The following DNAH11 variants were observed in gnomAD, a reference collection of about 807,000 sequenced individuals.
DNAH11 encodes the protein axonemal beta dynein heavy chain 11.
Under a neutral mutation model 526.0 loss-of-function variants are expected in DNAH11, and 442 were observed. That is an observed-to-expected ratio of 0.84 (90% CI 0.78 to 0.91). The LOEUF (loss-of-function observed/expected upper bound fraction) is 0.91. Ranked by LOEUF, DNAH11 falls within the 40% of genes least tolerant of loss-of-function variation. The pLI, the probability that DNAH11 is intolerant of heterozygous loss-of-function variation, is 0.00. For missense variants in DNAH11, 6,989 were observed against 5,448.7 expected (o/e 1.28, Z -8.90); for synonymous variants, 2,461 against 1,935.9 (o/e 1.27, Z -7.12).
chr7:21,848,334 ATCTCTC>A (rs145963018), intron 66 of DNAH11, among the ~76,000 whole-genome samples: 3 of 148,762 alleles, frequency 2.0e-5, no homozygotes, highest in Non-Finnish European at 4.5e-5. Flanking sequence ...ATCTTTCTCC[ATCTCTC>A]TCTCTCTCTC....
At chr7:21,543,703 T>C (rs1011498722) in intron 1 of DNAH11, 107 bp downstream of exon 1, 32 of 1,294,770 alleles carry the variant, frequency 2.5e-5, no homozygotes, top group Non-Finnish European at 3.1e-5. Context: ...TCGGGCACTT[T>C]AACAAACTTG....
chr7:21,720,771 C>T lies in DNAH11; in HGVS notation c.7181C>T (p.Pro2394Leu). 5.6e-6 allele frequency: 9 copies of T among 1,599,968 alleles called. No homozygotes were observed. The highest frequency in any genetic ancestry group is 6.8e-6 in the Non-Finnish European group (8 of 1,172,550). The change falls in exon 44 of 82, where the codon CCT becomes CTT. Residue 2394 changes from proline (P) to leucine (L), a missense_variant. By Grantham distance (98) the Pro-to-Leu change is moderately conservative. Coordinates refer to ENST00000409508, the MANE Select transcript of DNAH11 (RefSeq NM_001277115.2). ...LECLLTPENV[P>L]SDSPKEVYEV... ...TGCTTGCTGACTCCTGAAAATGTAC[C>T]TTCTGACAGCCCAAAAGAAGTTTAT...
chr7:21,893,355 A>T (rs12533111), intron 77 of DNAH11, among the ~76,000 whole-genome samples: 67,443 of 152,080 alleles, frequency 0.44, 15,498 homozygotes, highest in South Asian at 0.5. Context: ...AAGGGTAATG[A>T]TATCTCACAG....
At chr7:21,543,687 G>C in intron 1 of DNAH11, 91 bp downstream of exon 1, 1 of 1,386,404 alleles carries the variant, frequency 7.2e-7, no homozygotes, top group South Asian at 1.3e-5. Context: ...CCCGCGGGGC[G>C]CTCACTCGGG....
chr7:21,876,452 C>T (rs921474873), intron 74 of DNAH11, among the ~76,000 whole-genome samples: 4 of 152,210 alleles, frequency 2.6e-5, no homozygotes, highest in African/African-American at 9.7e-5. Context: ...TTAGCCTGTG[C>T]TCCCTGGCTC....
intron 70 of DNAH11, 23 bp downstream of exon 70, chr7:21,864,680 C>G (rs369003714): frequency 4.5e-6 from 7 of 1,551,948 alleles, no homozygotes; most frequent in Non-Finnish European, 6.1e-6. Context: ...TACAGTTTCT[C>G]AAATTCTGGA....
At chr7:21,788,746 C>G (rs1300791584) in intron 60 of DNAH11, among the ~76,000 whole-genome samples, 1 of 152,162 alleles carries the variant, frequency 6.6e-6, no homozygotes. Context: ...TTATTTTCTG[C>G]CTTAAAGGCC....
chr7:21,892,951 A>G (rs1784379382), intron 77 of DNAH11, among the ~76,000 whole-genome samples: 1 of 152,178 alleles, frequency 6.6e-6, no homozygotes, highest in Non-Finnish European at 1.5e-5. Flanking sequence ...GTGCGCATTC[A>G]TCCATGTCTA....
chr7:21,682,546 AAAAAT>A (rs1213206822), intron 31 of DNAH11, among the ~76,000 whole-genome samples: 1 of 137,756 alleles, frequency 7.3e-6, no homozygotes, highest in Middle Eastern at 3.5e-3. Context: ...AAAAAAAAAA[AAAAAT>A]TTCTGTGTGT....
rs367833062 is a variant in DNAH11 at position 21,655,961 on chromosome 7, G to A, written c.5074G>A (p.Glu1692Lys). 5.6e-6 allele frequency: 9 copies of A among 1,604,918 alleles called. No individual in the cohort carries two copies. The highest frequency in any genetic ancestry group is 2.7e-5 in the African/African-American group (2 of 74,676). The change falls in exon 29 of 82, where the codon GAG (glutamate) becomes AAG (lysine). Residue 1692 changes from glutamate to lysine, a missense_variant. By Grantham distance (56) the Glu-to-Lys change is moderately conservative. Transcript: ENST00000409508. ...KEKEYVPFQA[E>K]CECVGHVETW... ...AAAGGAGTATGTCCCATTCCAAGCCGAGTGTGAATGTGTGGGCCATGTAAG... is the reference window on the plus strand; with the variant it reads ...AAAGGAGTATGTCCCATTCCAAGCCAAGTGTGAATGTGTGGGCCATGTAAG...
In DNAH11 at chr7:21,894,936, A is replaced by G; in HGVS notation, c.12986A>G (p.Tyr4329Cys). 6.2e-7 allele frequency: 1 copy of G among 1,613,982 alleles called. No individual in the cohort carries two copies. Among genetic ancestry groups the G allele is most frequent in the Non-Finnish European group, 8.5e-7 (1 of 1,179,890 alleles). The change falls in exon 79 of 82, where the codon TAT (tyrosine) becomes TGT (cysteine). Residue 4329 changes from tyrosine (Y) to cysteine (C), a missense_variant. Physicochemically the swap from Tyr to Cys is radical, Grantham distance 194 (BLOSUM62 -2). Coordinates refer to ENST00000409508, the MANE Select transcript of DNAH11 (RefSeq NM_001277115.2). ...AVEAQQFALS[Y>C]DTVPDTWSKL... ...GAAGCCCAGCAGTTTGCATTGAGTT[A>G]TGACACGGTACCAGACACTTGGAGC...
intron 66 of DNAH11, chr7:21,851,437 C>T (rs1265778742): frequency 2.5e-6 from 1 of 400,320 alleles, no homozygotes; most frequent in Non-Finnish European, 5.1e-6. Flanking sequence ...CAGATTAATA[C>T]ATCCAGGTCA....
Position 21,570,307 on chromosome 7 carries a change from T to A in DNAH11, c.1425+8T>A. On this transcript the variant is annotated splice_region_variant and intron_variant, in intron 7 of 81. Coordinates refer to ENST00000409508, the MANE Select transcript of DNAH11 (RefSeq NM_001277115.2). ...CGTTTAATAAAAATAGAGGTATTCATTTTTTGATTTTATTTATTCATGTTG... is the reference window on the plus strand; with the variant it reads ...CGTTTAATAAAAATAGAGGTATTCAATTTTTGATTTTATTTATTCATGTTG... The A allele has an allele frequency of 6.3e-7, 1 of 1,582,768 alleles. No homozygotes were observed. Among genetic ancestry groups the A allele is most frequent in the Non-Finnish European group, 8.6e-7 (1 of 1,167,526 alleles).
At position 21,887,904 on chromosome 7, in the gene DNAH11, C is replaced by CA. The variant is rs542701855; in HGVS notation, c.12507+3495dup. 2.1e-3 allele frequency among the ~76,000 whole-genome samples: 321 copies of CA among 152,252 alleles called. 3 individuals carry two copies. Among genetic ancestry groups the CA allele is most frequent in the African/African-American group, 7.2e-3 (299 of 41,524 alleles). The stretch of plus-strand genomic sequence containing the variant: ...CTGAACCAGAATTTAAACTCGTAAT[C>CA]AGACTCCAAAGGCTGGTCTTTCTCT... On this transcript the variant is annotated intron_variant, in intron 76 of 81. Transcript: ENST00000409508.
At chr7:21,550,947 G>T (rs1201335416) in intron 2 of DNAH11, among the ~76,000 whole-genome samples, 2 of 152,148 alleles carry the variant, frequency 1.3e-5, no homozygotes, top group Non-Finnish European at 2.9e-5. Flanking sequence ...CCCATGGCCT[G>T]TTTTATAATC....
chr7:21,697,827 ATGGATTTTCT>A (rs1381920381), intron 35 of DNAH11, among the ~76,000 whole-genome samples: 2 of 152,178 alleles, frequency 1.3e-5, no homozygotes, highest in Admixed American at 1.3e-4. Flanking sequence ...GAATGTATTC[ATGGATTTTCT>A]TTGAACTCCT....
Position 21,901,329 on chromosome 7 carries a change from T to TTCTGGACCTTCAGGCTGAA in DNAH11, c.*75_*76insTCTGGACCTTCAGGCTGAA. On this transcript the variant is annotated 3_prime_UTR_variant, in exon 82 of 82. Transcript: ENST00000409508. ...CTAGCATGTTGCTGCACTGTTCCCA[T>TTCTGGACCTTCAGGCTGAA]GCACATTATTCTAACTTTTTAGTAA... The TTCTGGACCTTCAGGCTGAA allele has an allele frequency of 7.0e-7, 1 of 1,432,746 alleles. No individual in the cohort carries two copies. Among genetic ancestry groups the TTCTGGACCTTCAGGCTGAA allele is most frequent in the Non-Finnish European group, 9.2e-7 (1 of 1,084,102 alleles). The allele number at this position is 1,432,746 out of a possible 1,614,324, so 88.8% of individuals were successfully genotyped here.
At chr7:21,610,533 A>T (rs1365718648) in intron 20 of DNAH11, among the ~76,000 whole-genome samples, 1 of 152,222 alleles carries the variant, frequency 6.6e-6, no homozygotes, top group Admixed American at 6.5e-5. Flanking sequence ...ACCATTACGC[A>T]TAAGAGTCAG....
At chr7:21,881,498 T>A (rs1310985787) in intron 75 of DNAH11, among the ~76,000 whole-genome samples, 1 of 152,210 alleles carries the variant, frequency 6.6e-6, no homozygotes. Flanking sequence ...ATCAAGAACA[T>A]TTGTGTAAGT....
Sources: allele counts gnomAD v4.1 joint callset (sites outside exome capture counted in the v4.1 genomes callset), GRCh38; gene constraint gnomAD v4.1.1; transcripts MANE v1.5; gene names NCBI Gene and HGNC (gene_info 2026-07-23, HGNC 2026-07-21).